The following PCDH9 variants were observed in gnomAD, a reference collection of about 807,000 sequenced individuals.
The protein encoded by PCDH9 is protocadherin-9.
Under a neutral mutation model 70.6 loss-of-function variants are expected in PCDH9, and 24 were observed. The ratio of observed to expected loss-of-function variants is 0.34; its 90% CI spans 0.25 to 0.48. The LOEUF is 0.48. Among genes scored for constraint, PCDH9 ranks in the 20% least tolerant of loss-of-function variants. PCDH9 has a pLI of 0.99. For synonymous variants in PCDH9, 562 were observed against 558.5 expected (o/e 1.01, Z -0.09); for missense variants, 1,281 against 1,503.6 (o/e 0.85, Z 2.45).
chr13:66,556,500 A>T (rs950336141), intron 4 of PCDH9, among the ~76,000 whole-genome samples: 4 of 152,146 alleles, frequency 2.6e-5, no homozygotes, highest in Non-Finnish European at 4.4e-5. Context: ...AACTGGTCAG[A>T]TGACCCTGCC....
intron 3 of PCDH9, among the ~76,000 whole-genome samples, chr13:66,829,503 G>T (rs575959070): frequency 6.6e-6 from 1 of 151,990 alleles, no homozygotes; most frequent in East Asian, 1.9e-4. Context: ...GTGATGTGGT[G>T]ATAGTTACAT....
At chr13:66,701,976 G>A (rs1034355500) in intron 3 of PCDH9, among the ~76,000 whole-genome samples, 13 of 152,124 alleles carry the variant, frequency 8.5e-5, no homozygotes, top group African/African-American at 3.1e-4. Context: ...GCTGGGCAAC[G>A]CGCAGGTACC....
chr13:66,835,303 T>G (rs967305140), intron 3 of PCDH9, among the ~76,000 whole-genome samples: 1 of 152,212 alleles, frequency 6.6e-6, no homozygotes, highest in Non-Finnish European at 1.5e-5. Context: ...GGCTGTCTTG[T>G]TGACATAATC....
At chr13:66,569,866 A>T (rs1194866803) in intron 4 of PCDH9, among the ~76,000 whole-genome samples, 1 of 152,164 alleles carries the variant, frequency 6.6e-6, no homozygotes, top group Non-Finnish European at 1.5e-5. Flanking sequence ...GTCTTACAAA[A>T]TTAAATCTGC....
At chr13:66,674,003 T>C (rs1429942480) in intron 3 of PCDH9, among the ~76,000 whole-genome samples, 1 of 152,118 alleles carries the variant, frequency 6.6e-6, no homozygotes, top group African/African-American at 2.4e-5. Context: ...TATAATAGGG[T>C]CTAAAGTTTG....
chr13:66,485,627 A>G (rs1958923683), intron 4 of PCDH9, among the ~76,000 whole-genome samples: 1 of 151,836 alleles, frequency 6.6e-6, no homozygotes, highest in Non-Finnish European at 1.5e-5. Context: ...AGAGAGACAG[A>G]GACATAGAAA....
chr13:66,457,679 G>T (rs1273742297), intron 4 of PCDH9, among the ~76,000 whole-genome samples: 2 of 151,900 alleles, frequency 1.3e-5, no homozygotes, highest in Non-Finnish European at 2.9e-5. Context: ...AAGATCCCCA[G>T]GCGATTGCAA....
intron 4 of PCDH9, among the ~76,000 whole-genome samples, chr13:66,508,672 A>C (rs1566378629): frequency 6.6e-6 from 1 of 152,200 alleles, no homozygotes; most frequent in Non-Finnish European, 1.5e-5. Context: ...ATAAAAAAAA[A>C]CAACACCAAA....
chr13:67,077,527 A>G (rs1226981339), intron 2 of PCDH9, among the ~76,000 whole-genome samples: 1 of 152,170 alleles, frequency 6.6e-6, no homozygotes, highest in Non-Finnish European at 1.5e-5. Flanking sequence ...TAATCTCACT[A>G]CACTAAAAGG....
At chr13:66,739,747 C>T (rs1315462046) in intron 3 of PCDH9, among the ~76,000 whole-genome samples, 53 of 149,530 alleles carry the variant, frequency 3.5e-4, no homozygotes, top group African/African-American at 1.3e-3. Context: ...ACAAAGAAGG[C>T]CATTACATAA....
At chr13:67,055,780 G>A (rs989765654) in intron 2 of PCDH9, among the ~76,000 whole-genome samples, 1 of 152,128 alleles carries the variant, frequency 6.6e-6, no homozygotes, top group Non-Finnish European at 1.5e-5. Flanking sequence ...CTGGATGATA[G>A]AGTGAGACCT....
At chr13:67,154,840 A>C (rs1217659966) in intron 2 of PCDH9, among the ~76,000 whole-genome samples, 7 of 151,220 alleles carry the variant, frequency 4.6e-5, no homozygotes, top group African/African-American at 1.5e-4. Context: ...AGTAGCTGGT[A>C]CTACAGGTGC....
intron 3 of PCDH9, among the ~76,000 whole-genome samples, chr13:66,751,379 A>G (rs565856379): frequency 6.6e-6 from 1 of 152,310 alleles, no homozygotes; most frequent in Non-Finnish European, 1.5e-5. Context: ...ATGTCAAGAC[A>G]TAAAATAACA....
At chr13:66,465,530 G>A (rs1294877002) in intron 4 of PCDH9, among the ~76,000 whole-genome samples, 2 of 151,746 alleles carry the variant, frequency 1.3e-5, no homozygotes, top group African/African-American at 2.4e-5. Flanking sequence ...TACTATTAAG[G>A]TAGACAGTAT....
chr13:66,613,702 C>T (rs1309017644), intron 4 of PCDH9, among the ~76,000 whole-genome samples: 2 of 151,872 alleles, frequency 1.3e-5, no homozygotes, highest in Admixed American at 6.6e-5. Flanking sequence ...TTCCACCCAG[C>T]GACTGGGTTT....
chr13:66,851,825 T>C (rs1467738291), intron 3 of PCDH9, among the ~76,000 whole-genome samples: 1 of 152,182 alleles, frequency 6.6e-6, no homozygotes. Flanking sequence ...TACTGTGGAC[T>C]AGGTGGCTTA....
At chr13:66,918,074 G>T (rs892894204) in intron 2 of PCDH9, among the ~76,000 whole-genome samples, 3 of 151,312 alleles carry the variant, frequency 2.0e-5, no homozygotes, top group Non-Finnish European at 3.0e-5. Flanking sequence ...AGGAAATGAA[G>T]AGGGTCTCAG....
chr13:66,621,440 G>A lies in PCDH9; in HGVS notation c.3340+9770C>T, dbSNP rs35789557. On this transcript the variant is annotated intron_variant, in intron 4 of 4. Transcript: ENST00000377865. ...CAAATAGTCCCTAGAGATTAATGAG[G>A]AGACAATTGCTAATCAAATAACTGT... 8.5e-5 allele frequency among the ~76,000 whole-genome samples: 13 copies of A among 152,272 alleles called. 1 individual carries two copies. The highest frequency in any genetic ancestry group is 1.3e-4 in the Admixed American group (2 of 15,304).
chr13:67,120,327 G>A lies in PCDH9; in HGVS notation c.3036+105078C>T, dbSNP rs545125011. ...TATAATTTATAACCAAATTTTCTAT[G>A]TGTGCCGGCCACCTCTGTGGATGCA... On this transcript the variant is annotated intron_variant, in intron 2 of 4. Coordinates refer to ENST00000377865, the MANE Select transcript of PCDH9 (RefSeq NM_203487.3). Among the ~76,000 whole-genome samples the A allele has an allele frequency of 2.8e-4, 42 of 151,980 alleles. 1 individual carries two copies. The highest frequency in any genetic ancestry group is 9.6e-4 in the African/African-American group (40 of 41,476).
Sources: allele counts gnomAD v4.1 joint callset (sites outside exome capture counted in the v4.1 genomes callset), GRCh38; gene constraint gnomAD v4.1.1; transcripts MANE v1.5; gene names NCBI Gene and HGNC (gene_info 2026-07-23, HGNC 2026-07-21).